SAMD8: variants seen among roughly 807,000 people sequenced by gnomAD.
SAMD8 encodes the protein sterile alpha motif domain containing 8.
A neutral mutation model predicts 42.0 loss-of-function variants in SAMD8; 20 were observed. The observed-to-expected ratio is 0.48, with a 90% CI of 0.34 to 0.69. The LOEUF is 0.69. Ranked by LOEUF, SAMD8 falls within the 30% of genes least tolerant of loss-of-function variation. The pLI, the probability that SAMD8 is intolerant of heterozygous loss-of-function variation, is 0.01. For synonymous variants in SAMD8, 162 were observed against 173.0 expected, an observed-to-expected ratio of 0.94 and a Z score of 0.50; for missense variants, 328 against 511.6, an observed-to-expected ratio of 0.64 and a Z score of 3.46.
chr10:75,150,794 A>C lies in SAMD8; in HGVS notation c.266A>C (p.Asn89Thr). The change falls in exon 2 of 6, where the codon AAC becomes ACC. Residue 89 changes from asparagine to threonine, a missense_variant. Physicochemically the swap from Asn to Thr is moderately conservative, Grantham distance 65. This residue lies in a region of SAMD8 where 150 missense variants were observed against 186.0 expected (regional missense o/e 0.81). Coordinates refer to ENST00000542569, the MANE Select transcript of SAMD8 (RefSeq NM_001174156.2). ...GATGTTTTAGAAGAGATGGGCTACA[A>C]CAGTGACAGTCCCATGGGTTCCATG... ...HIDVLEEMGY[N>T]SDSPMGSMTP... 6.2e-7 allele frequency: 1 copy of C among 1,614,206 alleles called. No homozygotes were observed. Among genetic ancestry groups the C allele is most frequent in the Non-Finnish European group, 8.5e-7 (1 of 1,180,034 alleles).
At chr10:75,142,253 T>G (rs937926352) in intron 1 of SAMD8, among the ~76,000 whole-genome samples, 1 of 151,968 alleles carries the variant, frequency 6.6e-6, no homozygotes, top group Non-Finnish European at 1.5e-5. Context: ...CAGCCTTTGT[T>G]ATTGATTTCT....
chr10:75,139,521 T>G (rs1589951723), intron 1 of SAMD8, among the ~76,000 whole-genome samples: 1 of 152,218 alleles, frequency 6.6e-6, no homozygotes, highest in Non-Finnish European at 1.5e-5. Flanking sequence ...CAAAAGATAT[T>G]TAATAGCATT....
At chr10:75,117,841 A>G (rs932951992) in intron 1 of SAMD8, among the ~76,000 whole-genome samples, 3 of 152,252 alleles carry the variant, frequency 2.0e-5, no homozygotes, top group Non-Finnish European at 2.9e-5. Flanking sequence ...CATTGCAGCC[A>G]GGTCAGGAAC....
At chr10:75,139,702 A>G (rs531351933) in intron 1 of SAMD8, among the ~76,000 whole-genome samples, 1 of 152,342 alleles carries the variant, frequency 6.6e-6, no homozygotes, top group Non-Finnish European at 1.5e-5. Flanking sequence ...TATTGCTTCT[A>G]TATATTTGGC....
chr10:75,125,336 G>A (rs979018088), intron 1 of SAMD8: 5 of 152,360 alleles, frequency 3.3e-5, no homozygotes, highest in Admixed American at 1.3e-4. Flanking sequence ...TTTGAGGCTG[G>A]GTGTGGTGGT....
chr10:75,124,545 G>A (rs774489137), intron 1 of SAMD8, among the ~76,000 whole-genome samples: 35 of 151,580 alleles, frequency 2.3e-4, no homozygotes, highest in Non-Finnish European at 4.6e-4. Context: ...CCCGGGAGGC[G>A]GAGATTGCAG....
intron 2 of SAMD8, among the ~76,000 whole-genome samples, chr10:75,151,730 A>G (rs1840292181): frequency 6.6e-6 from 1 of 152,186 alleles, no homozygotes. Flanking sequence ...TCTGTCACCC[A>G]GGCTGGAGTG....
At chr10:75,154,319 G>A (rs181931098) in intron 2 of SAMD8, among the ~76,000 whole-genome samples, 36 of 152,296 alleles carry the variant, frequency 2.4e-4, no homozygotes, top group African/African-American at 7.9e-4. Flanking sequence ...TGTTATATCC[G>A]TGTATCTTGT....
At chr10:75,118,756 A>G (rs895799160) in intron 1 of SAMD8, among the ~76,000 whole-genome samples, 20 of 152,340 alleles carry the variant, frequency 1.3e-4, no homozygotes, top group Non-Finnish European at 2.6e-4. Flanking sequence ...AGTATGGAAA[A>G]AAGTTGGATA....
At chr10:75,101,766 ACCCC>A in intron 1 of SAMD8, 1 of 748,172 alleles carries the variant, frequency 1.3e-6, no homozygotes, top group Non-Finnish European at 2.1e-6. Context: ...CCCAACCCAA[ACCCC>A]ACCCCTCCCC....
At chr10:75,108,227 G>A (rs1166420254), upstream of SAMD8, 1 of 1,578,934 alleles carries the variant, frequency 6.3e-7, no homozygotes, top group East Asian at 2.2e-5. Context: ...GGGCAGGAAG[G>A]GCACTTGATG....
chr10:75,139,065 A>G (rs112799408), intron 1 of SAMD8, among the ~76,000 whole-genome samples: 1 of 151,316 alleles, frequency 6.6e-6, no homozygotes, highest in African/African-American at 2.4e-5. Flanking sequence ...GGCTCAAACA[A>G]TTCTCCCGCC....
chr10:75,117,279 C>T (rs1044363613), intron 1 of SAMD8, among the ~76,000 whole-genome samples: 6 of 151,554 alleles, frequency 4.0e-5, no homozygotes, highest in South Asian at 2.1e-4. Flanking sequence ...AAAAATTAGC[C>T]GGGTGTGGTG....
At chr10:75,158,449 G>A (rs897861789) in intron 2 of SAMD8, among the ~76,000 whole-genome samples, 15 of 151,770 alleles carry the variant, frequency 9.9e-5, no homozygotes, top group African/African-American at 1.9e-4. Context: ...AAAATTAGCC[G>A]GGCGTGGTGG....
At chr10:75,119,937 G>A (rs1383589109) in intron 1 of SAMD8, among the ~76,000 whole-genome samples, 1 of 152,022 alleles carries the variant, frequency 6.6e-6, no homozygotes, top group African/African-American at 2.4e-5. Context: ...GCGTGGTGGC[G>A]CGCATCTGTA....
rs1295344152 is a variant in SAMD8 at position 75,150,880 on chromosome 10, G to A, written c.352G>A (p.Asp118Asn). Reference protein sequence around the residue: ...DWLCNGELSHDCDGPITDLNS... With the variant: ...DWLCNGELSHNCDGPITDLNS... Reference sequence around the variant, plus strand: ...GCTCTGTAATGGGGAGCTTTCCCATGACTGTGACGGACCCATAACTGACTT... The same window carrying A: ...GCTCTGTAATGGGGAGCTTTCCCATAACTGTGACGGACCCATAACTGACTT... Residue 118 changes from aspartate to asparagine, a missense_variant, in exon 2 of 6, where the codon GAC becomes AAC. Asp to Asn is a conservative substitution (Grantham distance 23). This residue lies in a region of SAMD8 where 150 missense variants were observed against 186.0 expected (regional missense o/e 0.81). Coordinates refer to ENST00000542569, the MANE Select transcript of SAMD8 (RefSeq NM_001174156.2). 6.2e-7 allele frequency: 1 copy of A among 1,612,712 alleles called. No homozygotes were observed. Among genetic ancestry groups the A allele is most frequent in the Non-Finnish European group, 8.5e-7 (1 of 1,179,336 alleles).
At chr10:75,105,543 C>G (rs1848438599) in intron 1 of SAMD8, 1 of 1,031,208 alleles carries the variant, frequency 9.7e-7, no homozygotes, top group East Asian at 2.6e-5. Flanking sequence ...TCCTCACTTC[C>G]AGCCACACAC....
At chr10:75,162,068 A>G (rs1319940663) in intron 2 of SAMD8, among the ~76,000 whole-genome samples, 1 of 152,166 alleles carries the variant, frequency 6.6e-6, no homozygotes, top group Non-Finnish European at 1.5e-5. Context: ...AATAAAATCC[A>G]GCAGGATTGG....
chr10:75,111,775 A>C (rs992954934), intron 1 of SAMD8, 53 bp downstream of exon 1: 1 of 1,232,188 alleles, frequency 8.1e-7, no homozygotes, highest in African/African-American at 1.6e-5. Context: ...GCCTGCTGCC[A>C]AGGGTGAGTG....
Sources: gnomAD v4.1 joint callset for allele counts (sites outside exome capture counted in the v4.1 genomes callset) on GRCh38, gnomAD v4.1.1 for gene constraint, gnomAD v4.1.1 regional missense constraint, MANE v1.5 for transcripts, NCBI Gene and HGNC (gene_info 2026-07-23, HGNC 2026-07-21) for gene names.